The following GFOD2 variants were observed in gnomAD, a reference collection of about 807,000 sequenced individuals.
The protein encoded by GFOD2 is glucose-fructose oxidoreductase domain-containing protein 2.
GFOD2 carries 9 observed loss-of-function variants against 24.6 expected under a neutral mutation model. That is an observed-to-expected ratio of 0.37 (90% CI 0.22 to 0.64). The LOEUF is 0.64. Ranked by LOEUF, GFOD2 falls within the 30% of genes least tolerant of loss-of-function variation. The pLI, the probability that GFOD2 is intolerant of heterozygous loss-of-function variation, is 0.65. For synonymous variants in GFOD2, 211 were observed against 224.8 expected (o/e 0.94, Z 0.55); for missense variants, 476 against 532.5 (o/e 0.89, Z 1.04).
rs752362532 is a variant in GFOD2, at chr16:67,675,743, G to A, written c.570C>T (p.Thr190=). 1.2e-5 allele frequency: 19 copies of A among 1,613,966 alleles called. No individual in the cohort carries two copies. The highest frequency in any genetic ancestry group is 2.2e-5 in the South Asian group (2 of 91,088). ...TYIVDLLTHL[T]GRRAEKVHGL... is the part of the protein sequence containing the mutation. ...CGTGCACCTTCTCGGCTCTCCGGCC[G>A]GTCAGGTGGGTCAGCAGGTCCACAA... is the stretch of plus-strand genomic sequence containing the variant. Residue 190 remains threonine, a synonymous_variant, in exon 3 of 3, where the codon ACC becomes ACT. Transcript: ENST00000268797.
intron 2 of GFOD2, chr16:67,681,954 A>C: frequency 1.1e-6 from 1 of 889,042 alleles, no homozygotes; most frequent in Non-Finnish European, 1.3e-6. Context: ...CCAAAGTAGG[A>C]TGATTGCCTG....
chr16:67,679,166 CAAAT>C (rs770965324), intron 2 of GFOD2, among the ~76,000 whole-genome samples: 1 of 151,410 alleles, frequency 6.6e-6, no homozygotes, highest in East Asian at 1.9e-4. Flanking sequence ...GACTTTGTCT[CAAAT>C]AAATAAATAA....
intron 1 of GFOD2, among the ~76,000 whole-genome samples, chr16:67,687,117 C>A: frequency 7.3e-6 from 1 of 137,874 alleles, no homozygotes; most frequent in African/African-American, 2.8e-5. Flanking sequence ...CACTGCACTC[C>A]AGCGTGTGTG....
chr16:67,682,007 C>T (rs777045105), intron 2 of GFOD2: 28 of 341,764 alleles, frequency 8.2e-5, no homozygotes, highest in Non-Finnish European at 9.1e-5. Context: ...CAGCAAGATC[C>T]TGTCTCTACA....
chr16:67,681,618 C>T (rs771766924), intron 2 of GFOD2: 10 of 631,034 alleles, frequency 1.6e-5, no homozygotes, highest in Non-Finnish European at 2.0e-5. Flanking sequence ...TCATGTTGCT[C>T]AGGCTGGTAT....
intron 1 of GFOD2, among the ~76,000 whole-genome samples, chr16:67,686,834 C>G (rs545473602): frequency 2.6e-4 from 39 of 149,246 alleles, no homozygotes; most frequent in Middle Eastern, 7.3e-3. Context: ...GAGACTCTAT[C>G]CAAAAAAGAA....
At position 67,692,053 on chromosome 16, in the gene GFOD2, T is replaced by C. The variant is rs926155802; in HGVS notation, c.-87-6251A>G. On this transcript the variant is annotated intron_variant, in intron 1 of 2. Transcript: ENST00000268797. ...ATGTGTGTTCCCAAAGAAATTCTCA[T>C]AGGGATGCACTGATAAGGGATACAA... 1.8e-4 allele frequency among the ~76,000 whole-genome samples: 27 copies of C among 152,056 alleles called. 1 individual carries two copies. The highest frequency in any genetic ancestry group is 6.8e-3 in the Middle Eastern group (2 of 294).
intron 2 of GFOD2, among the ~76,000 whole-genome samples, chr16:67,678,490 A>G (rs899701999): frequency 4.7e-5 from 7 of 150,348 alleles, no homozygotes; most frequent in Non-Finnish European, 1.0e-4. Context: ...AAAAAAAAAA[A>G]AAAAGAAAAA....
chr16:67,677,383 G>A (rs1471441370), intron 2 of GFOD2: 1 of 152,156 alleles, frequency 6.6e-6, no homozygotes, highest in African/African-American at 2.4e-5. Flanking sequence ...GCTAACTTTT[G>A]TATTTTTAGT....
intron 2 of GFOD2, chr16:67,682,825 C>T (rs2053238034): frequency 1.0e-6 from 1 of 985,232 alleles, no homozygotes; most frequent in East Asian, 1.1e-4. Flanking sequence ...TGCTCCTGGG[C>T]CTCAGTTTAA....
chr16:67,700,099 C>T (rs185180832), intron 1 of GFOD2, among the ~76,000 whole-genome samples: 367 of 151,620 alleles, frequency 2.4e-3, no homozygotes, highest in African/African-American at 8.4e-3. Flanking sequence ...CTAGGCCAGG[C>T]GCGGTGGCTC....
intron 1 of GFOD2, among the ~76,000 whole-genome samples, chr16:67,713,984 G>A (rs1213124450): frequency 1.3e-5 from 2 of 151,852 alleles, no homozygotes; most frequent in Non-Finnish European, 2.9e-5. Flanking sequence ...AAGCAACTGC[G>A]GTTTTTGCCA....
At chr16:67,698,405 C>A (rs1597799391) in intron 1 of GFOD2, among the ~76,000 whole-genome samples, 1 of 152,140 alleles carries the variant, frequency 6.6e-6, no homozygotes, top group Non-Finnish European at 1.5e-5. Context: ...TTTAATTAAC[C>A]CTTTGAGTAC....
chr16:67,706,040 T>C (rs1179204170), intron 1 of GFOD2, among the ~76,000 whole-genome samples: 1 of 139,468 alleles, frequency 7.2e-6, no homozygotes, highest in African/African-American at 2.7e-5. Context: ...TGGAGTGCAG[T>C]AGTGCAATCT....
chr16:67,682,417 G>C (rs2053233633), intron 2 of GFOD2: 1 of 985,242 alleles, frequency 1.0e-6, no homozygotes, highest in Admixed American at 6.2e-5. Context: ...ACAGACTTAA[G>C]AAAACATTCA....
chr16:67,697,957 G>A (rs2053370216), intron 1 of GFOD2, among the ~76,000 whole-genome samples: 1 of 152,138 alleles, frequency 6.6e-6, no homozygotes, highest in Admixed American at 6.6e-5. Context: ...TGACAGGTGG[G>A]TGTGCTCAGT....
intron 2 of GFOD2, chr16:67,681,398 CT>C: frequency 1.0e-6 from 1 of 985,288 alleles, no homozygotes; most frequent in Non-Finnish European, 1.2e-6. Context: ...AGGGAAAGAC[CT>C]CTCTTCTTGA....
intron 1 of GFOD2, among the ~76,000 whole-genome samples, chr16:67,697,938 T>C (rs1376648789): frequency 2.0e-5 from 3 of 151,902 alleles, no homozygotes; most frequent in Admixed American, 6.6e-5. Flanking sequence ...ATCTCAAGAG[T>C]TTGGACTTTG....
At chr16:67,684,999 AG>A in intron 2 of GFOD2, 1 of 1,018,910 alleles carries the variant, frequency 9.8e-7, no homozygotes, top group South Asian at 4.1e-5. Context: ...GCAGTTTGGC[AG>A]GAAGGGTGTG....
Sources: allele counts gnomAD v4.1 joint callset (sites outside exome capture counted in the v4.1 genomes callset), GRCh38; gene constraint gnomAD v4.1.1; transcripts MANE v1.5; gene names NCBI Gene and HGNC (gene_info 2026-07-23, HGNC 2026-07-21).